TMTC4: variants seen among roughly 807,000 people sequenced by gnomAD.
TMTC4 encodes protein O-mannosyl-transferase TMTC4.
In TMTC4, 65 loss-of-function variants were observed where a neutral mutation model predicts 86.0. That is an observed-to-expected ratio of 0.76 (90% CI 0.62 to 0.93). The LOEUF is 0.93. Among genes scored for constraint, TMTC4 ranks in the 40% least tolerant of loss-of-function variants. The pLI, the probability that TMTC4 is intolerant of heterozygous loss-of-function variation, is 0.00. For synonymous variants in TMTC4, 379 were observed against 382.5 expected, an observed-to-expected ratio of 0.99 and a Z score of 0.11; for missense variants, 866 against 948.1, an observed-to-expected ratio of 0.91 and a Z score of 1.14.
chr13:100,643,139 G>A (rs1344408866), intron 6 of TMTC4, among the ~76,000 whole-genome samples: 1 of 152,110 alleles, frequency 6.6e-6, no homozygotes, highest in Non-Finnish European at 1.5e-5. Flanking sequence ...GGGAGGAGAG[G>A]GAAGCTGCAT....
intron 15 of TMTC4, chr13:100,614,799 T>C: frequency 2.2e-6 from 1 of 460,120 alleles, no homozygotes; most frequent in Non-Finnish European, 2.9e-6. Context: ...TTCAGACTGC[T>C]GAAATACTGA....
intron 6 of TMTC4, among the ~76,000 whole-genome samples, chr13:100,646,986 G>A (rs1275029581): frequency 6.6e-6 from 1 of 152,166 alleles, no homozygotes; most frequent in Non-Finnish European, 1.5e-5. Context: ...AATTCTTTTA[G>A]GCTATGGTTT....
At chr13:100,650,083 A>G (rs1338828945) in intron 6 of TMTC4, among the ~76,000 whole-genome samples, 3 of 120,074 alleles carry the variant, frequency 2.5e-5, no homozygotes, top group African/African-American at 6.2e-5. Flanking sequence ...AGAGGATGGG[A>G]AAAAAAAAAA....
Position 100,611,847 on chromosome 13 carries a change from T to G in TMTC4, c.2064+551A>C, listed in dbSNP as rs2153022920. ...TTGTGGTTTTTGTTGGTCAGAAAAC[T>G]CTGGGCCTTGCTGGTGGCCTATATA... On this transcript the variant is annotated intron_variant, in intron 17 of 18. Transcript: ENST00000342624. 1.3e-5 allele frequency among the ~76,000 whole-genome samples: 2 copies of G among 152,272 alleles called. 1 individual carries two copies. The highest frequency in any genetic ancestry group is 4.1e-4 in the South Asian group (2 of 4,828).
Position 100,674,792 on chromosome 13 carries a change from C to G in TMTC4, c.-256G>C, listed in dbSNP as rs1362054810. ...CGCATCTCCCTCCCGGGTGCGGAAACTCTGGCGGCTCCAGGCACCCGCCCG... is the reference window on the plus strand; with the variant it reads ...CGCATCTCCCTCCCGGGTGCGGAAAGTCTGGCGGCTCCAGGCACCCGCCCG... On this transcript the variant is annotated 5_prime_UTR_variant, in exon 1 of 19. Coordinates refer to ENST00000342624, the MANE Select transcript of TMTC4 (RefSeq NM_032813.5). 1 of 983,652 alleles carries G rather than the reference C, an allele frequency of 1.0e-6. No homozygotes were observed. Among genetic ancestry groups the G allele is most frequent in the Non-Finnish European group, 1.2e-6 (1 of 829,192 alleles). The allele number at this position is 983,652 out of a possible 1,614,324, so 60.9% of individuals were successfully genotyped here.
Position 100,656,407 on chromosome 13 carries a change from A to G in TMTC4, c.614T>C (p.Leu205Pro). The change falls in exon 6 of 19, where the codon CTT becomes CCT. Residue 205 changes from leucine (L) to proline (P), a missense_variant. Physicochemically the swap from Leu to Pro is moderately conservative, Grantham distance 98 (BLOSUM62 -3). Transcript: ENST00000342624. ...LCALFFLLSF[L>P]GYCKAFRESN... is the part of the protein sequence containing the mutation. The stretch of plus-strand genomic sequence containing the variant: ...TTCTCTAAATGCTTTACAGTAGCCA[A>G]GGAAAGATAACAAGAAGAACAGGGC... The G allele has an allele frequency of 6.2e-7, 1 of 1,613,554 alleles. No homozygotes were observed. The highest frequency in any genetic ancestry group is 2.2e-5 in the East Asian group (1 of 44,876).
intron 17 of TMTC4, among the ~76,000 whole-genome samples, chr13:100,607,750 A>G (rs1228884724): frequency 6.6e-6 from 1 of 152,112 alleles, no homozygotes; most frequent in African/African-American, 2.4e-5. Context: ...CTCCAAAACC[A>G]TGACCTTTCA....
rs979808831 is a variant in TMTC4 at position 100,652,244 on chromosome 13, C to T, written c.640+4137G>A. ...CTGTAATCCCAGCACTTTGGGAGGC[C>T]GAGGTGGGCAGATCACTTGAGGTCA... On this transcript the variant is annotated intron_variant, in intron 6 of 18. Transcript: ENST00000342624. Among the ~76,000 whole-genome samples the T allele has an allele frequency of 3.3e-5, 5 of 152,054 alleles. No homozygotes were observed. The East Asian group carries it at 5.8e-4, about 18-fold the overall frequency.
At position 100,637,650 on chromosome 13, in the gene TMTC4, G is replaced by A. The variant is rs1401325775; in HGVS notation, c.887C>T (p.Thr296Ile). ...GGLLFRMTLL[T>I]SGGAGMLYVR... ...GTAGAGCATCCCAGCCCCTCCAGAG[G>A]TGAGCAGGGTCATTCTGAAGAGGAG... Residue 296 changes from threonine to isoleucine, a missense_variant, in exon 9 of 19, where the codon ACC becomes ATC. By Grantham distance (89) the Thr-to-Ile change is moderately conservative (BLOSUM62 -1). Transcript: ENST00000342624. 6.8e-6 allele frequency: 11 copies of A among 1,614,056 alleles called. No individual in the cohort carries two copies. Among genetic ancestry groups the A allele is most frequent in the African/African-American group, 1.3e-5 (1 of 74,938 alleles).
At chr13:100,640,810 CAAAA>C (rs55847448) in intron 7 of TMTC4, among the ~76,000 whole-genome samples, 1 of 90,212 alleles carries the variant, frequency 1.1e-5, no homozygotes, top group African/African-American at 4.1e-5. Flanking sequence ...GGCTCTGTCT[CAAAA>C]AAAAAAAAAA....
chr13:100,630,150 AT>A (rs887422749), intron 12 of TMTC4, among the ~76,000 whole-genome samples: 2 of 152,106 alleles, frequency 1.3e-5, no homozygotes, highest in African/African-American at 4.8e-5. Context: ...TTCAAATAAC[AT>A]TATGTCTGAA....
chr13:100,614,332 T>TATA lies in TMTC4; in HGVS notation c.1932_1934dup (p.Ile645dup). 1 of 1,611,974 alleles carries TATA rather than the reference T, an allele frequency of 6.2e-7. No individual in the cohort carries two copies. On this transcript the variant is annotated inframe_insertion, in exon 16 of 19. Coordinates refer to ENST00000342624, the MANE Select transcript of TMTC4 (RefSeq NM_032813.5). Reference sequence around the variant, plus strand: ...TTTCTGTACCTGTATTGTCGAGGAGTATAATCATGTTGTTCCAGGCCAGGC... The same window carrying TATA: ...TTTCTGTACCTGTATTGTCGAGGAGTATAATAATCATGTTGTTCCAGGCCAGGC...
rs752313415 is a variant in TMTC4 at position 100,637,585 on chromosome 13, T to G, written c.952A>C (p.Thr318Pro). ...AAGGAGGCCGGGTTGTCCACCTCGG[T>G]GAAGGCCGGCGGGCCCGTGCCCATG... Reference protein sequence around the residue: ...RIMGTGPPAFTEVDNPASFAD... With the variant: ...RIMGTGPPAFPEVDNPASFAD... The change falls in exon 9 of 19, where the codon ACC (threonine) becomes CCC (proline). Residue 318 changes from threonine (T) to proline (P), a missense_variant. Physicochemically the swap from Thr to Pro is conservative, Grantham distance 38. Coordinates refer to ENST00000342624, the MANE Select transcript of TMTC4 (RefSeq NM_032813.5). 1 of 1,614,108 alleles carries G rather than the reference T, an allele frequency of 6.2e-7. No individual in the cohort carries two copies. The highest frequency in any genetic ancestry group is 1.7e-5 in the Admixed American group (1 of 60,012).
Position 100,626,170 on chromosome 13 carries a change from G to A in TMTC4, c.1507-20C>T, listed in dbSNP as rs767031242. 9.4e-5 allele frequency: 152 copies of A among 1,612,980 alleles called. No homozygotes were observed. Among genetic ancestry groups the A allele is most frequent in the Non-Finnish European group, 1.2e-4 (143 of 1,179,138 alleles). The stretch of plus-strand genomic sequence containing the variant: ...GTGAACCTGCAGACAGAGAATAATT[G>A]GGCCATCAGCAGACAGACTTCTTGT... On this transcript the variant is annotated intron_variant, in intron 12 of 18. Coordinates refer to ENST00000342624, the MANE Select transcript of TMTC4 (RefSeq NM_032813.5).
chr13:100,634,056 T>A (rs570076006), intron 12 of TMTC4, among the ~76,000 whole-genome samples: 10 of 151,830 alleles, frequency 6.6e-5, no homozygotes, highest in Non-Finnish European at 1.5e-4. Context: ...GGAGAATCCC[T>A]TGAACCCGGG....
intron 3 of TMTC4, chr13:100,665,838 G>A: frequency 6.1e-6 from 2 of 325,950 alleles, no homozygotes; most frequent in South Asian, 2.5e-5. Context: ...GGTGACATTT[G>A]CTTCCATGGG....
rs77476624 is a variant in TMTC4 at position 100,668,634 on chromosome 13, C to T, written c.164G>A (p.Arg55His). 21 of 1,614,158 alleles carry T rather than the reference C, an allele frequency of 1.3e-5. No homozygotes were observed. The highest frequency in any genetic ancestry group is 2.7e-5 in the African/African-American group (2 of 75,026). The change falls in exon 3 of 19, where the codon CGC becomes CAC. Residue 55 changes from arginine to histidine, a missense_variant. Physicochemically the swap from Arg to His is conservative, Grantham distance 29. Transcript: ENST00000342624. ...AAAGACAAAGTCTCCATCATAGCTG[C>T]GTGCAAAACACACAATGGCAACCGA... ...VGSVAIVCFA[R>H]SYDGDFVFDD...
At chr13:100,653,124 C>G (rs942741814) in intron 6 of TMTC4, among the ~76,000 whole-genome samples, 18 of 152,202 alleles carry the variant, frequency 1.2e-4, no homozygotes, top group African/African-American at 3.4e-4. Flanking sequence ...AAAAAAGACT[C>G]TTAAGTACCC....
rs554045238 is a variant in TMTC4, at chr13:100,618,491, ATTT to A, written c.1837-4064_1837-4062del. Among the ~76,000 whole-genome samples the A allele has an allele frequency of 7.6e-4, 44 of 58,192 alleles. No homozygotes were observed. The South Asian group carries it at 0.016, about 22-fold the overall frequency. The allele number at this position is 58,192 out of a possible 152,430, so 38.2% of individuals were successfully genotyped here. ...TTTTTAATCTCTCTCTCTCTCTTTTATTTTATTTTATTTTTTTATTGATCATTC... is the reference window on the plus strand; with the variant it reads ...TTTTTAATCTCTCTCTCTCTCTTTTATATTTTATTTTTTTATTGATCATTC... On this transcript the variant is annotated intron_variant, in intron 15 of 18. Transcript: ENST00000342624.
Sources: allele counts gnomAD v4.1 joint callset (sites outside exome capture counted in the v4.1 genomes callset), GRCh38; gene constraint gnomAD v4.1.1; transcripts MANE v1.5; gene names NCBI Gene and HGNC (gene_info 2026-07-23, HGNC 2026-07-21).